EGFL6: variants seen among roughly 807,000 people sequenced by gnomAD.
EGFL6 encodes the protein epidermal growth factor-like protein 6.
A neutral mutation model predicts 43.1 loss-of-function variants in EGFL6; 42 were observed. That is an observed-to-expected ratio of 0.98 (90% CI 0.76 to 1.26). The LOEUF is 1.26. EGFL6 is among the 50% of genes most tolerant of loss of function. EGFL6 has a pLI of 0.00. For missense variants in EGFL6, 429 were observed against 427.8 expected (o/e 1.00, Z -0.02); for synonymous variants, 164 against 163.2 (o/e 1.01, Z -0.04).
chrX:13,608,262 A>G, intron 6 of EGFL6, 62 bp from the exon 7 acceptor site: 1 of 1,186,966 alleles, frequency 8.4e-7, no homozygotes, highest in Non-Finnish European at 1.1e-6. Flanking sequence ...GATCAAGTGT[A>G]AGGGTGAGTC....
At chrX:13,627,764 C>A (rs1268705907) in intron 11 of EGFL6, among the ~76,000 whole-genome samples, 1 of 111,804 alleles carries the variant, frequency 8.9e-6, no homozygotes, top group African/African-American at 3.3e-5. Flanking sequence ...CTGTTATATT[C>A]ACAAGTACAG....
intron 1 of EGFL6, among the ~76,000 whole-genome samples, chrX:13,587,159 T>C (rs2045538062): frequency 8.9e-6 from 1 of 112,099 alleles, no homozygotes; most frequent in African/African-American, 3.2e-5. Flanking sequence ...AAGTGATGAG[T>C]GCATAACATA....
intron 1 of EGFL6, among the ~76,000 whole-genome samples, chrX:13,582,583 G>A (rs1444877298): frequency 9.0e-6 from 1 of 111,170 alleles, no homozygotes; most frequent in African/African-American, 3.3e-5. Flanking sequence ...AGTTTTATAA[G>A]TAACACTTTA....
At chrX:13,579,069 A>T (rs778397786) in intron 1 of EGFL6, among the ~76,000 whole-genome samples, 6 of 111,375 alleles carry the variant, frequency 5.4e-5, no homozygotes, top group Non-Finnish European at 7.5e-5. Context: ...GGGCAGTTTT[A>T]GATTCATAGC....
intron 7 of EGFL6, among the ~76,000 whole-genome samples, chrX:13,614,340 C>G (rs1253961642): frequency 9.0e-6 from 1 of 111,706 alleles, no homozygotes; most frequent in Non-Finnish European, 1.9e-5. Flanking sequence ...CTAGCCCCTT[C>G]CTGTTTCCTG....
At chrX:13,592,869 T>TG (rs1276088971) in intron 2 of EGFL6, among the ~76,000 whole-genome samples, 2 of 20,412 alleles carry the variant, frequency 9.8e-5, no homozygotes, top group Non-Finnish European at 9.1e-5. Flanking sequence ...GTCGGGGGGG[T>TG]GGGGGGGCTA....
chrX:13,608,176 C>A, intron 6 of EGFL6, 148 bp from the exon 7 acceptor site: 1 of 684,685 alleles, frequency 1.5e-6, no homozygotes, highest in Non-Finnish European at 2.1e-6. Flanking sequence ...GCCAATGAGC[C>A]TGCAGTTCTG....
chrX:13,619,386 T>G (rs1273236007), intron 9 of EGFL6, 143 bp downstream of exon 9: 4 of 501,567 alleles, frequency 8.0e-6, no homozygotes, highest in Non-Finnish European at 1.4e-5. Flanking sequence ...ACACACACAG[T>G]GCCAGTATTA....
intron 6 of EGFL6, among the ~76,000 whole-genome samples, chrX:13,607,928 G>A (rs55858183): frequency 0.013 from 1,422 of 112,464 alleles, 22 homozygotes; most frequent in African/African-American, 0.043. Context: ...GTTAGATGAT[G>A]TCAACGGTTC....
At chrX:13,629,501 T>C (rs7064038) in intron 11 of EGFL6, among the ~76,000 whole-genome samples, 6,114 of 111,435 alleles carry the variant, frequency 0.055, 231 homozygotes, top group East Asian at 0.15. Context: ...AGTGCTTTCA[T>C]AAGAGGCATT....
intron 1 of EGFL6, among the ~76,000 whole-genome samples, chrX:13,587,158 G>A (rs1270059176): frequency 8.9e-6 from 1 of 112,137 alleles, no homozygotes; most frequent in Non-Finnish European, 1.9e-5. Flanking sequence ...GAAGTGATGA[G>A]TGCATAACAT....
rs143058926 is a variant in EGFL6 at position 13,577,652 on chromosome X, G to C, written c.74+7717G>C. On this transcript the variant is annotated intron_variant, in intron 1 of 11. Transcript: ENST00000361306. ...ACATTCCAATGCTTAATTCCTAGTA[G>C]GTATTGCATAAGAGTAAATGAATGG... 7.2e-4 allele frequency among the ~76,000 whole-genome samples: 80 copies of C among 110,660 alleles called. 1 individual carries two copies. The East Asian group carries it at 0.021, about 28-fold the overall frequency.
At position 13,594,157 on chromosome X, in the gene EGFL6, T is replaced by C. The variant is rs1168089133; in HGVS notation, c.188-679T>C. ...CTCCCTGTGAGCTGGAATGAAATTG[T>C]CCATCATCTTTGACTGTTTGTTTTC... On this transcript the variant is annotated intron_variant, in intron 2 of 11. Transcript: ENST00000361306. Among the ~76,000 whole-genome samples, 5 of 111,800 alleles carry C rather than the reference T, an allele frequency of 4.5e-5. No homozygotes were observed. The South Asian group carries it at 1.9e-3, about 43-fold the overall frequency.
chrX:13,581,446 A>G lies in EGFL6; in HGVS notation c.75-8110A>G, dbSNP rs1602637819. On this transcript the variant is annotated intron_variant, in intron 1 of 11. Coordinates refer to ENST00000361306, the MANE Select transcript of EGFL6 (RefSeq NM_015507.4). ...CATACTGGGAGCTATGATAAAAAAA[A>G]TAACAAAAATCAAAACCACCGCCAA... Among the ~76,000 whole-genome samples, 5 of 112,192 alleles carry G rather than the reference A, an allele frequency of 4.5e-5. 1 individual carries two copies. In the Admixed American group the frequency reaches 4.7e-4, roughly 11 times the overall value.
At chrX:13,622,621 C>T (rs891231431) in intron 9 of EGFL6, among the ~76,000 whole-genome samples, 5 of 111,905 alleles carry the variant, frequency 4.5e-5, no homozygotes, top group African/African-American at 1.6e-4. Flanking sequence ...CAGAGGTCAG[C>T]CAACTTTTTT....
intron 4 of EGFL6, among the ~76,000 whole-genome samples, chrX:13,600,351 A>G (rs1304992200): frequency 1.1e-5 from 1 of 92,535 alleles, no homozygotes; most frequent in Non-Finnish European, 2.1e-5. Flanking sequence ...CAGTGGTGCA[A>G]TCTGAGCTCA....
At chrX:13,574,362 A>G (rs2045459076) in intron 1 of EGFL6, among the ~76,000 whole-genome samples, 1 of 111,827 alleles carries the variant, frequency 8.9e-6, no homozygotes, top group Non-Finnish European at 1.9e-5. Context: ...AGCCAGTAAA[A>G]CAGGGAACTA....
intron 1 of EGFL6, among the ~76,000 whole-genome samples, chrX:13,581,754 C>T (rs1262760743): frequency 6.3e-5 from 7 of 111,829 alleles, no homozygotes; most frequent in African/African-American, 1.3e-4. Flanking sequence ...GTGGAGACGG[C>T]GATTTTCTGA....
Position 13,569,716 on chromosome X carries a change from A to C in EGFL6, c.-146A>C. The C allele has an allele frequency of 1.8e-6, 1 of 567,446 alleles. No individual in the cohort carries two copies. The highest frequency in any genetic ancestry group is 2.8e-6 in the Non-Finnish European group (1 of 360,747). The allele number at this position is 567,446 out of a possible 1,213,427, so 46.8% of individuals were successfully genotyped here. A position where few individuals can be genotyped will look rare whatever the true frequency, so the allele number is the denominator to read the frequency against. ...CGCGGTGCCTGGCCTCCCCTCCCAG[A>C]CTGCAGGGACAGCACCCGGTAACTG... On this transcript the variant is annotated 5_prime_UTR_variant, in exon 1 of 12. Transcript: ENST00000361306.
Sources: allele counts gnomAD v4.1 joint callset (sites outside exome capture counted in the v4.1 genomes callset), GRCh38; gene constraint gnomAD v4.1.1; transcripts MANE v1.5; gene names NCBI Gene and HGNC (gene_info 2026-07-23, HGNC 2026-07-21).